LRATD2: variants seen among roughly 807,000 people sequenced by gnomAD.
LRATD2 encodes the protein LRAT domain containing 2.
LRATD2 carries 10 observed loss-of-function variants against 12.0 expected under a neutral mutation model. The observed-to-expected ratio is 0.83, with a 90% CI of 0.51 to 1.41. The LOEUF is 1.41. LRATD2 is among the 40% of genes most tolerant of loss of function. LRATD2 has a pLI of 0.00. For missense variants in LRATD2, 455 were observed against 446.1 expected (o/e 1.02, Z -0.18); for synonymous variants, 220 against 205.8 (o/e 1.07, Z -0.59).
In LRATD2 at chr8:126,558,404, T is replaced by C. The variant is rs1317735133; in HGVS notation, c.-467A>G. On this transcript the variant is annotated 5_prime_UTR_variant, in exon 1 of 2. Transcript: ENST00000304916. ...CCGGGCGAGCAACAAGCACCGGAGC[T>C]GGAGGGACGGGATTGTAGATCCGGC... The C allele has an allele frequency of 2.0e-5, 3 of 152,048 alleles. No homozygotes were observed. The highest frequency in any genetic ancestry group is 7.2e-5 in the African/African-American group (3 of 41,386). The allele number at this position is 152,048 out of a possible 1,614,324, so 9.4% of individuals were successfully genotyped here.
rs1367156118 is a variant in LRATD2 at position 126,554,676 on chromosome 8, G to A, written c.*1781C>T. The stretch of plus-strand genomic sequence containing the variant: ...CTCAACGTCCATGTGTGAAACAAGT[G>A]TATTAGAAAATTCTTTAAGTCTTGT... On this transcript the variant is annotated 3_prime_UTR_variant, in exon 2 of 2. Coordinates refer to ENST00000304916, the MANE Select transcript of LRATD2 (RefSeq NM_174911.5). 2.0e-5 allele frequency: 3 copies of A among 152,198 alleles called. No individual in the cohort carries two copies. Among genetic ancestry groups the A allele is most frequent in the African/African-American group, 7.2e-5 (3 of 41,452 alleles). 9.4% of individuals were successfully genotyped at this position (152,198 alleles called of 1,614,324 possible). A position where few individuals can be genotyped will look rare whatever the true frequency, so the allele number is the denominator to read the frequency against.
rs545145275 is a variant in LRATD2 at position 126,556,504 on chromosome 8, G to T, written c.886C>A (p.Pro296Thr). The change falls in exon 2 of 2, where the codon CCT becomes ACT. Residue 296 changes from proline to threonine, a missense_variant. By Grantham distance (38) the Pro-to-Thr change is conservative. Coordinates refer to ENST00000304916, the MANE Select transcript of LRATD2 (RefSeq NM_174911.5). The surrounding 1 kb of genome is among the most constrained non-coding windows in gnomAD (Gnocchi z 5.6). ...ARTTPPPGRP[P>T]APSSEEEDGE... ...TCCTCCTCCTCGGAGCTGGGCGCAG[G>T]GGGGCGCCCGGGAGGCGGCGTAGTC... 19 of 1,592,368 alleles carry T rather than the reference G, an allele frequency of 1.2e-5. No individual in the cohort carries two copies. Among genetic ancestry groups the T allele is most frequent in the Non-Finnish European group, 1.4e-5 (16 of 1,171,040 alleles).
rs530015443 is a variant in LRATD2, at chr8:126,557,422, G to A, written c.-33C>T. 24 of 1,604,422 alleles carry A rather than the reference G, an allele frequency of 1.5e-5. No homozygotes were observed. In the Admixed American group the frequency reaches 3.5e-4, roughly 24 times the overall value. ...CGGACACACGTTCACACCGCCGCAA[G>A]GGGAGAAAGCGAAACCAACTCCAGG... On this transcript the variant is annotated 5_prime_UTR_variant, in exon 2 of 2. Transcript: ENST00000304916. This position sits in a 1 kb window ranked among gnomAD's most constrained non-coding sequence, Gnocchi z 5.3.
chr8:126,553,491 TAC>T lies in LRATD2; in HGVS notation c.*2964_*2965del, dbSNP rs1255068932. 6.5e-6 allele frequency: 1 copy of T among 152,682 alleles called. No homozygotes were observed. Among genetic ancestry groups the T allele is most frequent in the Non-Finnish European group, 1.5e-5 (1 of 68,044 alleles). 9.5% of individuals were successfully genotyped at this position (152,682 alleles called of 1,614,324 possible). On this transcript the variant is annotated 3_prime_UTR_variant, in exon 2 of 2. Transcript: ENST00000304916. ...CGTAATTCACAGTACAAAACAGTTC[TAC>T]AGTCTTATTCCTAAGGAGAAACAAA... is the stretch of plus-strand genomic sequence containing the variant.
In LRATD2 at chr8:126,556,535, C is replaced by T; in HGVS notation, c.855G>A (p.Val285=). 6.2e-7 allele frequency: 1 copy of T among 1,602,210 alleles called. No individual in the cohort carries two copies. The highest frequency in any genetic ancestry group is 2.3e-5 in the East Asian group (1 of 44,444). ...PAEPEEGDSN[V]ARTTPPPGRP... is the part of the protein sequence containing the mutation. ...GCCCGGGAGGCGGCGTAGTCCGCGC[C>T]ACGTTGCTGTCGCCCTCCTCCGGCT... Residue 285 remains valine (V), a synonymous_variant, in exon 2 of 2, where the codon GTG becomes GTA. Coordinates refer to ENST00000304916, the MANE Select transcript of LRATD2 (RefSeq NM_174911.5). The surrounding 1 kb of genome is among the most constrained non-coding windows in gnomAD (Gnocchi z 5.6).
In LRATD2 at chr8:126,553,302, C is replaced by T. The variant is rs1817317300; in HGVS notation, c.*3155G>A. ...AAAGTTGTGTAGCTGAAGTTGTGGGCTCCTTTGACATACATAAGCAGTTTC... is the reference window on the plus strand; with the variant it reads ...AAAGTTGTGTAGCTGAAGTTGTGGGTTCCTTTGACATACATAAGCAGTTTC... On this transcript the variant is annotated 3_prime_UTR_variant, in exon 2 of 2. Coordinates refer to ENST00000304916, the MANE Select transcript of LRATD2 (RefSeq NM_174911.5). The T allele has an allele frequency of 6.6e-6, 1 of 152,622 alleles. No individual in the cohort carries two copies. The highest frequency in any genetic ancestry group is 1.5e-5 in the Non-Finnish European group (1 of 68,050). 9.5% of individuals were successfully genotyped at this position (152,622 alleles called of 1,614,324 possible).
Position 126,556,649 on chromosome 8 carries a change from T to C in LRATD2, c.741A>G (p.Leu247=). 3 of 1,612,198 alleles carry C rather than the reference T, an allele frequency of 1.9e-6. No individual in the cohort carries two copies. The highest frequency in any genetic ancestry group is 1.1e-5 in the South Asian group (1 of 90,998). The change falls in exon 2 of 2, where the codon CTA becomes CTG. Residue 247 remains leucine, a synonymous_variant. Coordinates refer to ENST00000304916, the MANE Select transcript of LRATD2 (RefSeq NM_174911.5). This position sits in a 1 kb window ranked among gnomAD's most constrained non-coding sequence, Gnocchi z 5.6. The part of the protein sequence containing the change: ...QRSHTLEFQS[L]EDLIMEKRRN... ...GTCGCTTCTCCATGATCAGGTCCTC[T>C]AGACTCTGGAACTCGAGCGTGTGGC...
chr8:126,557,299 G>A lies in LRATD2; in HGVS notation c.91C>T (p.Arg31Cys). 2 of 1,613,636 alleles carry A rather than the reference G, an allele frequency of 1.2e-6. No individual in the cohort carries two copies. Among genetic ancestry groups the A allele is most frequent in the Non-Finnish European group, 1.7e-6 (2 of 1,179,962 alleles). The change falls in exon 2 of 2, where the codon CGC becomes TGC. Residue 31 changes from arginine to cysteine, a missense_variant. Transcript: ENST00000304916. This position sits in a 1 kb window ranked among gnomAD's most constrained non-coding sequence, Gnocchi z 5.3. ...PTGVDRDDGP[R>C]IGVSYIFSND... ...GAGAAAATGTAGGAGACCCCAATGCGGGGCCCGTCGTCCCGGTCCACGCCA... is the reference window on the plus strand; with the variant it reads ...GAGAAAATGTAGGAGACCCCAATGCAGGGCCCGTCGTCCCGGTCCACGCCA...
Position 126,556,840 on chromosome 8 carries a change from T to G in LRATD2, c.550A>C (p.Asn184His). Residue 184 changes from asparagine (N) to histidine (H), a missense_variant, in exon 2 of 2, where the codon AAC becomes CAC. By Grantham distance (68) the Asn-to-His change is moderately conservative. Coordinates refer to ENST00000304916, the MANE Select transcript of LRATD2 (RefSeq NM_174911.5). The surrounding 1 kb of genome is among the most constrained non-coding windows in gnomAD (Gnocchi z 5.6). ...TTGGCACCCACGTGCGCCAGCGCGT[T>G]GCGCACCACGGCGCTGGAGCTTAGC... ...KPLSSSAVVR[N>H]ALAHVGAKER... 1 of 1,605,314 alleles carries G rather than the reference T, an allele frequency of 6.2e-7. No homozygotes were observed. Among genetic ancestry groups the G allele is most frequent in the Non-Finnish European group, 8.5e-7 (1 of 1,179,036 alleles).
At position 126,555,066 on chromosome 8, in the gene LRATD2, A is replaced by G. The variant is rs187313201; in HGVS notation, c.*1391T>C. 14 of 152,284 alleles carry G rather than the reference A, an allele frequency of 9.2e-5. No homozygotes were observed. The East Asian group carries it at 2.5e-3, about 27-fold the overall frequency. 9.4% of individuals were successfully genotyped at this position (152,284 alleles called of 1,614,324 possible). A position where few individuals can be genotyped will look rare whatever the true frequency, so the allele number is the denominator to read the frequency against. ...CCTGCCGCTAACAGATCTCACAATC[A>G]CCAACTGTGCTTTAGGACTGTCACC... On this transcript the variant is annotated 3_prime_UTR_variant, in exon 2 of 2. Transcript: ENST00000304916.
Position 126,556,406 on chromosome 8 carries a change from G to C in LRATD2, c.*51C>G, listed in dbSNP as rs772826880. 6.7e-7 allele frequency: 1 copy of C among 1,483,998 alleles called. No homozygotes were observed. The highest frequency in any genetic ancestry group is 1.5e-5 in the African/African-American group (1 of 68,784). 91.9% of individuals were successfully genotyped at this position (1,483,998 alleles called of 1,614,324 possible). ...GGAAGAGAGGGAGAAAGGGAGCAGC[G>C]GCTGCTACTGCAAACAGTTCCCCTT... On this transcript the variant is annotated 3_prime_UTR_variant, in exon 2 of 2. Transcript: ENST00000304916. The surrounding 1 kb of genome is among the most constrained non-coding windows in gnomAD (Gnocchi z 5.6).
rs184677691 is a variant in LRATD2, at chr8:126,557,798, C to T, written c.-97+236G>A. On this transcript the variant is annotated intron_variant, in intron 1 of 1. Coordinates refer to ENST00000304916, the MANE Select transcript of LRATD2 (RefSeq NM_174911.5). The surrounding 1 kb of genome is among the most constrained non-coding windows in gnomAD (Gnocchi z 5.3). The stretch of plus-strand genomic sequence containing the variant: ...AAGAGGGAAGGAAAGAGAAACTTTA[C>T]GCCAATCCCCCCCCTCCTCTGCTAA... 9.6e-4 allele frequency: 180 copies of T among 188,124 alleles called. 2 individuals carry two copies. The East Asian group carries it at 0.025, about 26-fold the overall frequency. The allele number at this position is 188,124 out of a possible 1,614,324, so 11.7% of individuals were successfully genotyped here. A position where few individuals can be genotyped will look rare whatever the true frequency, so the allele number is the denominator to read the frequency against.
chr8:126,557,602 C>T lies in LRATD2; in HGVS notation c.-96-117G>A. On this transcript the variant is annotated intron_variant, in intron 1 of 1. Coordinates refer to ENST00000304916, the MANE Select transcript of LRATD2 (RefSeq NM_174911.5). The surrounding 1 kb of genome is among the most constrained non-coding windows in gnomAD (Gnocchi z 5.3). ...CTGGAGCCATTTTAGGGGGAAGTCT[C>T]GGGTGTAGCGAGCTTTCCCTCGTTT... is the stretch of plus-strand genomic sequence containing the variant. 1.7e-6 allele frequency: 1 copy of T among 585,260 alleles called. No individual in the cohort carries two copies. Among genetic ancestry groups the T allele is most frequent in the Non-Finnish European group, 3.0e-6 (1 of 335,504 alleles). The allele number at this position is 585,260 out of a possible 1,614,324, so 36.3% of individuals were successfully genotyped here. A position where few individuals can be genotyped will look rare whatever the true frequency, so the allele number is the denominator to read the frequency against.
rs1586534406 is a variant in LRATD2, at chr8:126,557,656, G to C, written c.-96-171C>G. 1 of 519,412 alleles carries C rather than the reference G, an allele frequency of 1.9e-6. No homozygotes were observed. The highest frequency in any genetic ancestry group is 3.5e-5 in the East Asian group (1 of 28,474). 32.2% of individuals were successfully genotyped at this position (519,412 alleles called of 1,614,324 possible). On this transcript the variant is annotated intron_variant, in intron 1 of 1. Transcript: ENST00000304916. The surrounding 1 kb of genome is among the most constrained non-coding windows in gnomAD (Gnocchi z 5.3). ...CACCTGTAAGGTCACGGTCACAGGA[G>C]ACTGGGCAACTCCTGTTCTCCCTGT...
rs1024609222 is a variant in LRATD2 at position 126,552,640 on chromosome 8, A to G, written c.*3817T>C. 2.0e-5 allele frequency: 3 copies of G among 152,656 alleles called. No individual in the cohort carries two copies. Among genetic ancestry groups the G allele is most frequent in the Non-Finnish European group, 4.4e-5 (3 of 68,050 alleles). 9.5% of individuals were successfully genotyped at this position (152,656 alleles called of 1,614,324 possible). On this transcript the variant is annotated 3_prime_UTR_variant, in exon 2 of 2. Transcript: ENST00000304916. ...CGGAACTTCCTTCTCAAGAAGTGAT[A>G]TAAGAATGTAACATTGATTTAACAT...
At position 126,557,483 on chromosome 8, in the gene LRATD2, T is replaced by C. The variant is rs1817444135; in HGVS notation, c.-94A>G. ...CAGGTCCCCGGACAGGGGCTGAGGC[T>C]ACCTGTTGGGAGAGGAAGGCAAGAA... is the stretch of plus-strand genomic sequence containing the variant. On this transcript the variant is annotated splice_region_variant and 5_prime_UTR_variant, in exon 2 of 2. Coordinates refer to ENST00000304916, the MANE Select transcript of LRATD2 (RefSeq NM_174911.5). This position sits in a 1 kb window ranked among gnomAD's most constrained non-coding sequence, Gnocchi z 5.3. The C allele has an allele frequency of 7.3e-7, 1 of 1,376,546 alleles. No homozygotes were observed. Among genetic ancestry groups the C allele is most frequent in the Non-Finnish European group, 9.9e-7 (1 of 1,006,924 alleles). 85.3% of individuals were successfully genotyped at this position (1,376,546 alleles called of 1,614,324 possible).
rs1450589423 is a variant in LRATD2 at position 126,554,974 on chromosome 8, G to GA, written c.*1482dup. Reference sequence around the variant, plus strand: ...TCACAGGAGTTTAAGAGACAGGCTGGAAAAAATCTCATACTAAGCAAACAG... The same window carrying GA: ...TCACAGGAGTTTAAGAGACAGGCTGGAAAAAAATCTCATACTAAGCAAACAG... On this transcript the variant is annotated 3_prime_UTR_variant, in exon 2 of 2. Coordinates refer to ENST00000304916, the MANE Select transcript of LRATD2 (RefSeq NM_174911.5). The GA allele has an allele frequency of 2.0e-5, 3 of 152,156 alleles. No homozygotes were observed. Among genetic ancestry groups the GA allele is most frequent in the East Asian group, 1.9e-4 (1 of 5,194 alleles). The allele number at this position is 152,156 out of a possible 1,614,324, so 9.4% of individuals were successfully genotyped here. A position where few individuals can be genotyped will look rare whatever the true frequency, so the allele number is the denominator to read the frequency against.
In LRATD2 at chr8:126,557,712, C is replaced by T. The variant is rs1236337450; in HGVS notation, c.-96-227G>A. ...GCCCTTCGCCTGGCCCTGGCAAAAG[C>T]CCATTGCATCAGCAGCTTCTACTGC... On this transcript the variant is annotated intron_variant, in intron 1 of 1. Coordinates refer to ENST00000304916, the MANE Select transcript of LRATD2 (RefSeq NM_174911.5). The surrounding 1 kb of genome is among the most constrained non-coding windows in gnomAD (Gnocchi z 5.3). 4 of 362,588 alleles carry T rather than the reference C, an allele frequency of 1.1e-5. No homozygotes were observed. The highest frequency in any genetic ancestry group is 2.2e-5 in the African/African-American group (1 of 46,228). 22.5% of individuals were successfully genotyped at this position (362,588 alleles called of 1,614,324 possible).
Position 126,557,018 on chromosome 8 carries a change from G to C in LRATD2, c.372C>G (p.Phe124Leu), listed in dbSNP as rs1486003843. ...NKCKPGDLVE[F>L]VSQAQYPHWA... is the part of the protein sequence containing the mutation. ...AGTGCGGGTACTGAGCCTGCGACAC[G>C]AACTCCACCAGATCGCCCGGCTTGC... Residue 124 changes from phenylalanine (F) to leucine (L), a missense_variant, in exon 2 of 2, where the codon TTC becomes TTG. Coordinates refer to ENST00000304916, the MANE Select transcript of LRATD2 (RefSeq NM_174911.5). The surrounding 1 kb of genome is among the most constrained non-coding windows in gnomAD (Gnocchi z 5.3). The C allele has an allele frequency of 1.2e-6, 2 of 1,606,836 alleles. No homozygotes were observed. The highest frequency in any genetic ancestry group is 1.7e-6 in the Non-Finnish European group (2 of 1,179,976).
Sources: allele counts gnomAD v4.1 joint callset, GRCh38; gene constraint gnomAD v4.1.1; non-coding constraint Gnocchi (gnomAD v3.1); transcripts MANE v1.5; gene names NCBI Gene and HGNC (gene_info 2026-07-23, HGNC 2026-07-21).